The following ZDHHC21 variants were observed in gnomAD, a reference collection of about 807,000 sequenced individuals.
The protein encoded by ZDHHC21 is palmitoyltransferase ZDHHC21.
ZDHHC21 carries 15 observed loss-of-function variants against 34.6 expected under a neutral mutation model. The observed-to-expected ratio is 0.43, with a 90% confidence interval of 0.29 to 0.67. The LOEUF (loss-of-function observed/expected upper bound fraction) is 0.67, where lower values mean the gene tolerates loss of function less well. ZDHHC21 is among the 30% of genes least tolerant of loss of function. The pLI is 0.14. For missense variants in ZDHHC21, 344 were observed against 327.7 expected (o/e 1.05, Z -0.38); for synonymous variants, 142 against 101.8 (o/e 1.40, Z -2.38).
chr9:14,677,459 T>C (rs1408256423), intron 3 of ZDHHC21: 2 of 151,896 alleles, frequency 1.3e-5, no homozygotes, highest in Non-Finnish European at 2.9e-5. Context: ...GCGTGGCTTA[T>C]GGCTGAAGAG....
At chr9:14,657,712 A>T (rs943824712) in intron 7 of ZDHHC21, among the ~76,000 whole-genome samples, 2 of 152,192 alleles carry the variant, frequency 1.3e-5, no homozygotes, top group African/African-American at 4.8e-5. Context: ...TAGTTTGCCA[A>T]TACTGCACTA....
intron 3 of ZDHHC21, among the ~76,000 whole-genome samples, chr9:14,675,590 G>C (rs1836230332): frequency 6.6e-6 from 1 of 151,898 alleles, no homozygotes; most frequent in Non-Finnish European, 1.5e-5. Context: ...AACTCACTTA[G>C]TTCAACAAAT....
intron 8 of ZDHHC21, among the ~76,000 whole-genome samples, chr9:14,626,718 G>C (rs1826291584): frequency 6.6e-6 from 1 of 151,380 alleles, no homozygotes; most frequent in African/African-American, 2.4e-5. Context: ...CTTGGCAAGG[G>C]GGAACCTAGT....
intron 8 of ZDHHC21, 125 bp downstream of exon 8, chr9:14,639,771 G>C: frequency 1.9e-6 from 1 of 520,410 alleles, no homozygotes; most frequent in Non-Finnish European, 3.3e-6. Context: ...ATAGGCACAT[G>C]AAAGTATTAA....
At chr9:14,674,114 G>C in intron 4 of ZDHHC21, 73 bp downstream of exon 4, 1 of 959,956 alleles carries the variant, frequency 1.0e-6, no homozygotes, top group Non-Finnish European at 1.5e-6. Context: ...AGTTATCATA[G>C]TGGCACTACA....
At chr9:14,626,030 A>T (rs918213769) in intron 8 of ZDHHC21, among the ~76,000 whole-genome samples, 1 of 152,016 alleles carries the variant, frequency 6.6e-6, no homozygotes, top group African/African-American at 2.4e-5. Flanking sequence ...TTTTGTAGAA[A>T]TAAGTCTCGC....
At chr9:14,598,126 C>T in the ZDHHC21 span, among the ~76,000 whole-genome samples, 10 of 152,162 alleles carry the variant, frequency 6.6e-5, no homozygotes, top group African/African-American at 2.4e-4. Context: ...CCAGAGCAAG[C>T]TGCCTGGAGG....
the ZDHHC21 span, among the ~76,000 whole-genome samples, chr9:14,594,400 A>T: frequency 5.3e-5 from 8 of 152,242 alleles, no homozygotes; most frequent in Admixed American, 5.2e-4. Context: ...AGAAATAAGC[A>T]TTACATTACG....
rs1324254370 is a variant in ZDHHC21, at chr9:14,664,144, G to A, written c.254-1818C>T. On this transcript the variant is annotated intron_variant, in intron 5 of 9. Transcript: ENST00000380916. ...TGCCAGACAGTGGGCGCAGGCCAGC[G>A]GGTGCGCGCACCGTGCGCGAGCCGA... Among the ~76,000 whole-genome samples, 17 of 152,250 alleles carry A rather than the reference G, an allele frequency of 1.1e-4. 1 individual carries two copies. The highest frequency in any genetic ancestry group is 6.5e-4 in the Admixed American group (10 of 15,298).
intron 8 of ZDHHC21, among the ~76,000 whole-genome samples, chr9:14,639,471 T>C (rs913534717): frequency 6.6e-6 from 1 of 152,070 alleles, no homozygotes; most frequent in Non-Finnish European, 1.5e-5. Flanking sequence ...TCAGCAGCAA[T>C]GTATATTTTA....
At chr9:14,639,721 G>C (rs920395655) in intron 8 of ZDHHC21, among the ~76,000 whole-genome samples, 175 bp downstream of exon 8, 6 of 152,030 alleles carry the variant, frequency 3.9e-5, no homozygotes, top group African/African-American at 1.4e-4. Flanking sequence ...ATACAAAATT[G>C]TGTATACTTT....
intron 8 of ZDHHC21, among the ~76,000 whole-genome samples, chr9:14,631,182 T>C (rs998447501): frequency 6.6e-6 from 1 of 152,244 alleles, no homozygotes; most frequent in African/African-American, 2.4e-5. Context: ...GCCACCTTGA[T>C]TAATCATCTT....
chr9:14,658,004 T>C (rs1007760440), intron 7 of ZDHHC21, among the ~76,000 whole-genome samples: 1 of 152,198 alleles, frequency 6.6e-6, no homozygotes, highest in Non-Finnish European at 1.5e-5. Context: ...ATATTCTCAG[T>C]GGATAACTTT....
chr9:14,591,436 G>C, the ZDHHC21 span, among the ~76,000 whole-genome samples: 2 of 151,990 alleles, frequency 1.3e-5, no homozygotes, highest in Non-Finnish European at 2.9e-5. Context: ...GAATCTGCTG[G>C]AGCCTTGATC....
At chr9:14,625,762 G>C (rs575872962) in intron 8 of ZDHHC21, among the ~76,000 whole-genome samples, 7 of 151,752 alleles carry the variant, frequency 4.6e-5, no homozygotes, top group African/African-American at 1.7e-4. Flanking sequence ...TAAAATAATA[G>C]GGACTACAAG....
At chr9:14,639,128 T>C (rs147838105) in intron 8 of ZDHHC21, among the ~76,000 whole-genome samples, 2,342 of 152,176 alleles carry the variant, frequency 0.015, 23 homozygotes, top group African/African-American at 0.026. Context: ...AACAGATGAA[T>C]GAATTTTAAA....
chr9:14,590,499 T>C, the ZDHHC21 span, among the ~76,000 whole-genome samples: 2 of 151,902 alleles, frequency 1.3e-5, no homozygotes, highest in African/African-American at 2.4e-5. Context: ...GGACTATTTC[T>C]AAAATGGAGA....
chr9:14,675,976 G>T (rs1587400633), intron 3 of ZDHHC21, among the ~76,000 whole-genome samples: 2 of 151,938 alleles, frequency 1.3e-5, no homozygotes, highest in African/African-American at 4.8e-5. Flanking sequence ...GCTTTCTGTG[G>T]AGAGTGAGTG....
chr9:14,687,627 G>C (rs1269886953), intron 2 of ZDHHC21, among the ~76,000 whole-genome samples: 1 of 150,982 alleles, frequency 6.6e-6, no homozygotes, highest in African/African-American at 2.5e-5. Context: ...GCAGTGAGCA[G>C]AAATCATCGT....
Sources: gnomAD v4.1 joint callset for allele counts (sites outside exome capture counted in the v4.1 genomes callset) on GRCh38, gnomAD v4.1.1 for gene constraint, MANE v1.5 for transcripts, NCBI Gene and HGNC (gene_info 2026-07-23, HGNC 2026-07-21) for gene names.